The following MARCHF1 variants were observed in gnomAD, a reference collection of about 807,000 sequenced individuals.
MARCHF1 encodes E3 ubiquitin-protein ligase MARCHF1.
MARCHF1 carries 40 observed loss-of-function variants against 54.2 expected under a neutral mutation model. That is an observed-to-expected ratio of 0.74 (90% CI 0.57 to 0.96). The LOEUF (loss-of-function observed/expected upper bound fraction) is 0.96. Among genes scored for constraint, MARCHF1 ranks in the 40% least tolerant of loss-of-function variants. MARCHF1 has a pLI of 0.00. For missense variants in MARCHF1, 586 were observed against 656.5 expected (o/e 0.89, Z 1.17); for synonymous variants, 236 against 236.3 (o/e 1.00, Z 0.01).
chr4:164,284,685 G>A (rs1734103001), intron 1 of MARCHF1, among the ~76,000 whole-genome samples: 1 of 150,898 alleles, frequency 6.6e-6, no homozygotes, highest in Admixed American at 6.7e-5. Flanking sequence ...CCTCACAGAT[G>A]CCTAATTAGC....
At chr4:164,009,004 A>C (rs1220940312) in intron 2 of MARCHF1, among the ~76,000 whole-genome samples, 1 of 152,044 alleles carries the variant, frequency 6.6e-6, no homozygotes, top group Non-Finnish European at 1.5e-5. Flanking sequence ...AAAAGTACAA[A>C]CACCAAATGA....
intron 5 of MARCHF1, among the ~76,000 whole-genome samples, chr4:163,626,334 T>C (rs1741870527): frequency 6.6e-6 from 1 of 152,210 alleles, no homozygotes; most frequent in African/African-American, 2.4e-5. Context: ...TTTTGAAAAT[T>C]AATTACGGTT....
At chr4:164,334,051 G>A (rs1729656481) in intron 1 of MARCHF1, among the ~76,000 whole-genome samples, 1 of 152,334 alleles carries the variant, frequency 6.6e-6, no homozygotes, top group East Asian at 1.9e-4. Flanking sequence ...AAAGTTGGAA[G>A]CTAGCAGAGG....
intron 2 of MARCHF1, among the ~76,000 whole-genome samples, chr4:164,024,435 C>T (rs1248274335): frequency 6.6e-6 from 1 of 152,114 alleles, no homozygotes; most frequent in Non-Finnish European, 1.5e-5. Flanking sequence ...GGCTTATTTT[C>T]AGCATCCTTA....
At chr4:164,087,684 C>G (rs1004656424) in intron 2 of MARCHF1, among the ~76,000 whole-genome samples, 1 of 152,176 alleles carries the variant, frequency 6.6e-6, no homozygotes, top group Non-Finnish European at 1.5e-5. Flanking sequence ...TAAATACACA[C>G]TAGCCTAGAC....
At position 164,309,254 on chromosome 4, in the gene MARCHF1, C is replaced by T. The variant is rs573142677; in HGVS notation, c.-323+74616G>A. 5.5e-3 allele frequency among the ~76,000 whole-genome samples: 814 copies of T among 147,956 alleles called. 4 individuals are homozygous for T. The highest frequency in any genetic ancestry group is 8.8e-3 in the Non-Finnish European group (585 of 66,588). On this transcript the variant is annotated intron_variant, in intron 1 of 9. Coordinates refer to ENST00000514618, the MANE Select transcript of MARCHF1 (RefSeq NM_001394959.1). ...TCCCAAGTGCTGGTTAATTTCTAAC[C>T]TGTGTGTGTGTGTGTGTGTGTGTGT...
intron 1 of MARCHF1, among the ~76,000 whole-genome samples, chr4:164,358,366 G>C (rs1192008955): frequency 1.3e-5 from 2 of 152,076 alleles, no homozygotes; most frequent in African/African-American, 4.8e-5. Context: ...AACTTATTTT[G>C]AATATGAGCT....
At chr4:163,672,390 G>C (rs1049147080) in intron 5 of MARCHF1, among the ~76,000 whole-genome samples, 3 of 152,172 alleles carry the variant, frequency 2.0e-5, no homozygotes, top group African/African-American at 7.2e-5. Flanking sequence ...TTGGTGTGAA[G>C]CTCTTTAAAA....
chr4:163,847,494 C>T (rs546292547), intron 4 of MARCHF1, among the ~76,000 whole-genome samples: 1 of 150,438 alleles, frequency 6.6e-6, no homozygotes, highest in African/African-American at 2.4e-5. Context: ...CCAATGCTCC[C>T]TTCTTACCTG....
intron 1 of MARCHF1, among the ~76,000 whole-genome samples, chr4:164,289,829 G>C (rs1224731758): frequency 6.6e-6 from 1 of 151,966 alleles, no homozygotes; most frequent in African/African-American, 2.4e-5. Context: ...TTTGATCAAA[G>C]ATCAAAATAT....
At chr4:164,285,582 C>A (rs1215170695) in intron 1 of MARCHF1, among the ~76,000 whole-genome samples, 1 of 151,606 alleles carries the variant, frequency 6.6e-6, no homozygotes, top group Non-Finnish European at 1.5e-5. Flanking sequence ...AGCTAGGACT[C>A]TAGGCGCCTG....
chr4:163,567,537 G>A lies in MARCHF1; in HGVS notation c.1191+18212C>T, dbSNP rs1739684843. ...CATGTGTTTTGGGAGGGACCCAGTGGGAGTTAATTGAATCATGGGGGTGGG... is the reference window on the plus strand; with the variant it reads ...CATGTGTTTTGGGAGGGACCCAGTGAGAGTTAATTGAATCATGGGGGTGGG... On this transcript the variant is annotated intron_variant, in intron 8 of 9. Transcript: ENST00000514618. Among the ~76,000 whole-genome samples the A allele has an allele frequency of 2.0e-5, 3 of 152,274 alleles. No homozygotes were observed. The South Asian group carries it at 6.2e-4, about 32-fold the overall frequency.
At chr4:164,259,915 C>G (rs1733415168) in intron 1 of MARCHF1, among the ~76,000 whole-genome samples, 1 of 152,160 alleles carries the variant, frequency 6.6e-6, no homozygotes, top group Non-Finnish European at 1.5e-5. Context: ...GAGAAAAATT[C>G]TGGTCTAAAG....
chr4:163,655,447 C>T (rs1257572507), intron 5 of MARCHF1, among the ~76,000 whole-genome samples: 2 of 151,766 alleles, frequency 1.3e-5, no homozygotes, highest in African/African-American at 2.4e-5. Flanking sequence ...GACTCCCACA[C>T]AATAATAGTG....
At chr4:164,300,276 T>C (rs1217387567) in intron 1 of MARCHF1, among the ~76,000 whole-genome samples, 3 of 152,030 alleles carry the variant, frequency 2.0e-5, no homozygotes, top group African/African-American at 7.2e-5. Context: ...AGACAATAAA[T>C]CATACACGTG....
intron 3 of MARCHF1, among the ~76,000 whole-genome samples, chr4:163,907,330 G>T (rs4356874): frequency 4.7e-4 from 72 of 151,816 alleles, no homozygotes; most frequent in African/African-American, 1.7e-3. Flanking sequence ...GTGTAATTTT[G>T]TCTTGTTTGT....
chr4:163,566,803 GCTT>G (rs2110995904), intron 8 of MARCHF1, among the ~76,000 whole-genome samples: 1 of 152,258 alleles, frequency 6.6e-6, no homozygotes, highest in East Asian at 1.9e-4. Flanking sequence ...AGAAAAATAA[GCTT>G]ATTTGGGAAA....
At chr4:164,163,714 A>T (rs1417048520) in intron 1 of MARCHF1, among the ~76,000 whole-genome samples, 1 of 151,990 alleles carries the variant, frequency 6.6e-6, no homozygotes. Context: ...AGTGGAACAC[A>T]TAAGCAACAG....
At chr4:163,612,190 G>A in intron 7 of MARCHF1, 81 bp downstream of exon 7, 2 of 1,155,912 alleles carry the variant, frequency 1.7e-6, no homozygotes, top group South Asian at 2.0e-5. Flanking sequence ...AGTTTTGAGG[G>A]TAGGTGTCAA....
Sources: gnomAD v4.1 joint callset for allele counts (sites outside exome capture counted in the v4.1 genomes callset) on GRCh38, gnomAD v4.1.1 for gene constraint, MANE v1.5 for transcripts, NCBI Gene and HGNC (gene_info 2026-07-23, HGNC 2026-07-21) for gene names.